The following ATG10 variants were observed in gnomAD, a reference collection of about 807,000 sequenced individuals.
ATG10 encodes autophagy related 10, also known as ubiquitin-like-conjugating enzyme ATG10.
In ATG10, 30 loss-of-function variants were observed where a neutral mutation model predicts 32.1. The observed-to-expected ratio is 0.94, with a 90% CI of 0.70 to 1.27. ATG10 has a LOEUF of 1.27. Ranked by LOEUF, ATG10 falls within the 50% of genes most tolerant of loss-of-function variation. The pLI is 0.00. For missense variants in ATG10, 233 were observed against 262.3 expected, an observed-to-expected ratio of 0.89 and a Z score of 0.77; for synonymous variants, 87 against 91.5, an observed-to-expected ratio of 0.95 and a Z score of 0.28.
intron 2 of ATG10, among the ~76,000 whole-genome samples, chr5:82,032,720 C>T (rs1213332793): frequency 6.6e-6 from 1 of 151,152 alleles, no homozygotes; most frequent in Non-Finnish European, 1.5e-5. Flanking sequence ...TTCAAAACTT[C>T]TTCCTATGCC....
chr5:82,121,975 T>A (rs1319375319), intron 3 of ATG10, among the ~76,000 whole-genome samples: 1 of 149,534 alleles, frequency 6.7e-6, no homozygotes, highest in Non-Finnish European at 1.5e-5. Context: ...CTTTGCCAGG[T>A]TTTGGTACCA....
In ATG10 at chr5:82,127,095, G is replaced by T. The variant is rs186491463; in HGVS notation, c.217-37304G>T. Among the ~76,000 whole-genome samples, 588 of 152,178 alleles carry T rather than the reference G, an allele frequency of 3.9e-3. 4 individuals are homozygous for T. Among genetic ancestry groups the T allele is most frequent in the Middle Eastern group, 0.017 (5 of 294 alleles). On this transcript the variant is annotated intron_variant, in intron 3 of 7. Coordinates refer to ENST00000282185, the MANE Select transcript of ATG10 (RefSeq NM_031482.5). ...GAGGTGTTTATAGTATTCTCTGATG[G>T]TAGTTTGTATTTCTGTGGGATTGGT...
At chr5:82,180,936 A>T (rs1744205659) in intron 5 of ATG10, among the ~76,000 whole-genome samples, 1 of 152,098 alleles carries the variant, frequency 6.6e-6, no homozygotes, top group African/African-American at 2.4e-5. Context: ...GTTGACATAG[A>T]TTTCTTTTTA....
chr5:82,025,378 A>G (rs537651099), intron 2 of ATG10, among the ~76,000 whole-genome samples: 9 of 152,246 alleles, frequency 5.9e-5, no homozygotes, highest in Admixed American at 2.0e-4. Flanking sequence ...TAGCTACTCT[A>G]TGGGTTCTGC....
chr5:82,177,797 C>A (rs1316922603), intron 4 of ATG10, among the ~76,000 whole-genome samples: 2 of 152,088 alleles, frequency 1.3e-5, no homozygotes, highest in East Asian at 3.9e-4. Context: ...CTTTTACTGC[C>A]CTCTTCATGC....
chr5:82,064,654 A>G (rs1454491570), intron 3 of ATG10, among the ~76,000 whole-genome samples: 1 of 152,152 alleles, frequency 6.6e-6, no homozygotes, highest in African/African-American at 2.4e-5. Flanking sequence ...ATTACATACC[A>G]GTTCATCTTA....
At chr5:82,034,759 T>C (rs1381627411) in intron 2 of ATG10, among the ~76,000 whole-genome samples, 1 of 152,130 alleles carries the variant, frequency 6.6e-6, no homozygotes, top group Non-Finnish European at 1.5e-5. Context: ...TTCCCCTAGA[T>C]AGCTTTATGA....
chr5:82,068,771 TG>T (rs1293645014), intron 3 of ATG10, among the ~76,000 whole-genome samples: 5 of 138,284 alleles, frequency 3.6e-5, no homozygotes, highest in South Asian at 2.3e-4. Flanking sequence ...AATTCTTATC[TG>T]AAAAAAAAGA....
chr5:81,979,793 T>C (rs1340228933), intron 1 of ATG10, among the ~76,000 whole-genome samples: 1 of 151,504 alleles, frequency 6.6e-6, no homozygotes, highest in Non-Finnish European at 1.5e-5. Context: ...AGCAGCTTTG[T>C]TTTTTTTAGA....
At chr5:82,236,927 A>T (rs1746576985) in intron 5 of ATG10, among the ~76,000 whole-genome samples, 1 of 151,828 alleles carries the variant, frequency 6.6e-6, no homozygotes, top group African/African-American at 2.4e-5. Flanking sequence ...ATTTTCTCAC[A>T]TTTTTTTCTA....
chr5:82,071,566 G>A (rs932686107), intron 3 of ATG10, among the ~76,000 whole-genome samples: 31 of 152,104 alleles, frequency 2.0e-4, no homozygotes, highest in Admixed American at 1.0e-3. Flanking sequence ...CTTACTGCCA[G>A]AGGTATCTAG....
In ATG10 at chr5:82,040,358, C is replaced by T. The variant is rs554034070; in HGVS notation, c.109-18137C>T. ...AAACAAACTGTATAGATTTATAAAA[C>T]AACCAGAATGATAAAAACCAGTCCT... On this transcript the variant is annotated intron_variant, in intron 2 of 7. Transcript: ENST00000282185. Among the ~76,000 whole-genome samples the T allele has an allele frequency of 3.9e-5, 6 of 152,232 alleles. No homozygotes were observed. The East Asian group carries it at 1.2e-3, about 29-fold the overall frequency.
chr5:82,206,050 A>G (rs545183846), intron 5 of ATG10, among the ~76,000 whole-genome samples: 2 of 152,326 alleles, frequency 1.3e-5, no homozygotes, highest in African/African-American at 2.4e-5. Flanking sequence ...ATCTGAAGAC[A>G]TAGGATATTT....
In ATG10 at chr5:82,037,234, C is replaced by CTTTTTTTTTTT. The variant is rs1166784267; in HGVS notation, c.109-21240_109-21230dup. On this transcript the variant is annotated intron_variant, in intron 2 of 7. Transcript: ENST00000282185. ...ACTTTTTGTAATAAGATCTCATTTA[C>CTTTTTTTTTTT]TTTTTTTTTTTTTTTTTTTTTTTTT... is the stretch of plus-strand genomic sequence containing the variant. 3.8e-4 allele frequency among the ~76,000 whole-genome samples: 14 copies of CTTTTTTTTTTT among 36,930 alleles called. 5 individuals are homozygous for CTTTTTTTTTTT. Among genetic ancestry groups the CTTTTTTTTTTT allele is most frequent in the East Asian group, 1.9e-3 (2 of 1,034 alleles). The allele number at this position is 36,930 out of a possible 152,430, so 24.2% of individuals were successfully genotyped here.
intron 2 of ATG10, among the ~76,000 whole-genome samples, chr5:81,988,356 C>G (rs1021948149): frequency 6.6e-6 from 1 of 152,098 alleles, no homozygotes; most frequent in African/African-American, 2.4e-5. Flanking sequence ...CCAGGGTGGT[C>G]TCGAACTCCT....
At chr5:81,982,087 T>C (rs920951695) in intron 1 of ATG10, among the ~76,000 whole-genome samples, 1 of 152,208 alleles carries the variant, frequency 6.6e-6, no homozygotes, top group Non-Finnish European at 1.5e-5. Context: ...AAGGTTTTGA[T>C]TGAATGTCAC....
intron 2 of ATG10, among the ~76,000 whole-genome samples, chr5:81,998,716 A>G (rs1045398224): frequency 3.3e-5 from 5 of 152,248 alleles, no homozygotes; most frequent in Admixed American, 2.6e-4. Flanking sequence ...AATGGAAAAC[A>G]GAAAAAAGCA....
intron 1 of ATG10, among the ~76,000 whole-genome samples, chr5:81,986,109 C>G (rs141846189): frequency 0.05 from 7,554 of 151,372 alleles, 458 homozygotes; most frequent in African/African-American, 0.15. Flanking sequence ...GGGGTTTCAC[C>G]GTGTTAGCCA....
rs1321570565 is a variant in ATG10, at chr5:82,010,182, C to T, written c.108+22504C>T. On this transcript the variant is annotated intron_variant, in intron 2 of 7. Transcript: ENST00000282185. ...TCCTCAAGGTCTTGGAGAATGTTTC[C>T]AAGTACAGACAAAATTCTGATTATG... The T allele has an allele frequency of 1.2e-5, 13 of 1,051,746 alleles. No homozygotes were observed. The Admixed American group carries it at 2.7e-4, about 22-fold the overall frequency. The allele number at this position is 1,051,746 out of a possible 1,614,324, so 65.2% of individuals were successfully genotyped here.
Sources: gnomAD v4.1 joint callset for allele counts (sites outside exome capture counted in the v4.1 genomes callset) on GRCh38, gnomAD v4.1.1 for gene constraint, MANE v1.5 for transcripts, NCBI Gene and HGNC (gene_info 2026-07-23, HGNC 2026-07-21) for gene names.